The following PPARGC1A variants were observed in gnomAD, a reference collection of about 807,000 sequenced individuals.
PPARGC1A encodes the protein PPARG coactivator 1 alpha.
In PPARGC1A, 25 loss-of-function variants were observed where a neutral mutation model predicts 88.7. The ratio of observed to expected loss-of-function variants is 0.28; its 90% CI spans 0.21 to 0.39. The LOEUF is 0.39. PPARGC1A is among the 10% of genes least tolerant of loss of function. The pLI is 1.00. For synonymous variants in PPARGC1A, 363 were observed against 355.6 expected (o/e 1.02, Z -0.24); for missense variants, 880 against 968.7 (o/e 0.91, Z 1.22).
chr4:24,044,539 A>G, the PPARGC1A span, among the ~76,000 whole-genome samples: 5 of 146,386 alleles, frequency 3.4e-5, no homozygotes, highest in Non-Finnish European at 6.1e-5. Flanking sequence ...CACCAGCATT[A>G]ACGGGTTTCA....
chr4:24,440,383 C>G, the PPARGC1A span, among the ~76,000 whole-genome samples: 1 of 152,150 alleles, frequency 6.6e-6, no homozygotes, highest in Admixed American at 6.5e-5. Context: ...CAATACCGAC[C>G]CCATGGAGCT....
chr4:24,398,186 T>C, the PPARGC1A span, among the ~76,000 whole-genome samples: 1 of 152,152 alleles, frequency 6.6e-6, no homozygotes, highest in Non-Finnish European at 1.5e-5. Context: ...GATTATTATA[T>C]AGAAAAAAAG....
chr4:24,127,802 A>G, the PPARGC1A span, among the ~76,000 whole-genome samples: 1 of 152,128 alleles, frequency 6.6e-6, no homozygotes, highest in African/African-American at 2.4e-5. Flanking sequence ...CGGCTAGTAC[A>G]TTAGTACATC....
the PPARGC1A span, among the ~76,000 whole-genome samples, chr4:24,455,762 G>A: frequency 3.3e-5 from 5 of 152,278 alleles, no homozygotes; most frequent in East Asian, 1.9e-4. Context: ...GCTCTCATGC[G>A]TTCCTGCCCT....
chr4:24,139,695 CTG>C, the PPARGC1A span, among the ~76,000 whole-genome samples: 1 of 152,114 alleles, frequency 6.6e-6, no homozygotes, highest in African/African-American at 2.4e-5. Flanking sequence ...TGTTAGCATC[CTG>C]TGCGTGCCCT....
chr4:24,038,155 AC>A, the PPARGC1A span, among the ~76,000 whole-genome samples: 2 of 152,318 alleles, frequency 1.3e-5, no homozygotes, highest in South Asian at 4.1e-4. Flanking sequence ...TAAGTGGATG[AC>A]CAGGAGAATG....
At chr4:23,925,389 A>G in the PPARGC1A span, among the ~76,000 whole-genome samples, 2 of 152,230 alleles carry the variant, frequency 1.3e-5, no homozygotes, top group Non-Finnish European at 2.9e-5. Context: ...TGAAGGTAAT[A>G]CACCTGTTAA....
chr4:23,856,264 C>A (rs968285984), intron 2 of PPARGC1A, among the ~76,000 whole-genome samples: 10 of 152,168 alleles, frequency 6.6e-5, no homozygotes, highest in African/African-American at 2.4e-4. Flanking sequence ...AGCCAGTATT[C>A]CAAGAAAGAA....
At chr4:23,913,327 C>A in the PPARGC1A span, among the ~76,000 whole-genome samples, 1 of 145,634 alleles carries the variant, frequency 6.9e-6, no homozygotes, top group African/African-American at 2.5e-5. Context: ...ATCTGTTTCT[C>A]TGGAGAACCC....
At chr4:24,050,862 T>G in the PPARGC1A span, among the ~76,000 whole-genome samples, 1 of 152,210 alleles carries the variant, frequency 6.6e-6, no homozygotes, top group African/African-American at 2.4e-5. Context: ...CCAATCAACA[T>G]TTTATTTAGA....
At chr4:23,925,748 C>A in the PPARGC1A span, among the ~76,000 whole-genome samples, 5 of 152,116 alleles carry the variant, frequency 3.3e-5, no homozygotes. Flanking sequence ...TCATGTCCAA[C>A]TGTATACTTT....
the PPARGC1A span, among the ~76,000 whole-genome samples, chr4:24,026,345 T>A: frequency 6.6e-6 from 1 of 152,122 alleles, no homozygotes; most frequent in African/African-American, 2.4e-5. Context: ...ATACACAAAA[T>A]TCACAGTAAA....
the PPARGC1A span, among the ~76,000 whole-genome samples, chr4:24,351,271 C>T: frequency 6.6e-6 from 1 of 151,502 alleles, no homozygotes; most frequent in Non-Finnish European, 1.5e-5. Context: ...GTGGTGCACA[C>T]CTGTAGTCGT....
At chr4:23,978,101 T>A in the PPARGC1A span, among the ~76,000 whole-genome samples, 1 of 152,142 alleles carries the variant, frequency 6.6e-6, no homozygotes, top group African/African-American at 2.4e-5. Context: ...AATGTCCAAT[T>A]TGCATCCTTA....
the PPARGC1A span, among the ~76,000 whole-genome samples, chr4:24,273,068 G>C: frequency 3.3e-5 from 5 of 152,134 alleles, no homozygotes; most frequent in African/African-American, 1.2e-4. Context: ...ACATTCATTG[G>C]AAAGGGTAAT....
At chr4:24,128,968 A>G in the PPARGC1A span, among the ~76,000 whole-genome samples, 5 of 152,254 alleles carry the variant, frequency 3.3e-5, no homozygotes, top group African/African-American at 4.8e-5. Flanking sequence ...GGAACCCACA[A>G]ACTTCACCGG....
chr4:24,161,959 TATACACACACACACACAC>T, the PPARGC1A span, among the ~76,000 whole-genome samples: 934 of 118,824 alleles, frequency 7.9e-3, 15 homozygotes, highest in African/African-American at 0.03. Flanking sequence ...GAAATTGTGA[TATACACACACACACACAC>T]ACACACACAC....
At chr4:24,110,636 A>G in the PPARGC1A span, among the ~76,000 whole-genome samples, 1 of 152,196 alleles carries the variant, frequency 6.6e-6, no homozygotes, top group Non-Finnish European at 1.5e-5. Flanking sequence ...AATAATGGCC[A>G]TTTTTGGAAA....
At chr4:24,393,452 A>T in the PPARGC1A span, among the ~76,000 whole-genome samples, 1 of 152,262 alleles carries the variant, frequency 6.6e-6, no homozygotes, top group Non-Finnish European at 1.5e-5. Context: ...AGACAAGAAT[A>T]ACATAACATA....
Sources: allele counts gnomAD v4.1 joint callset (sites outside exome capture counted in the v4.1 genomes callset), GRCh38; gene constraint gnomAD v4.1.1; transcripts MANE v1.5; gene names NCBI Gene and HGNC (gene_info 2026-07-23, HGNC 2026-07-21).